The following ZC4H2 variants were observed in gnomAD, a reference collection of about 807,000 sequenced individuals.
The protein encoded by ZC4H2 is zinc finger C4H2 domain-containing protein.
For missense variants in ZC4H2, 137 were observed against 173.9 expected, an observed-to-expected ratio of 0.79 and a Z score of 1.19; for synonymous variants, 84 against 66.3, an observed-to-expected ratio of 1.27 and a Z score of -1.30.
At chrX:64,946,926 G>A (rs1170195286) in intron 1 of ZC4H2, among the ~76,000 whole-genome samples, 2 of 111,109 alleles carry the variant, frequency 1.8e-5, no homozygotes, top group Non-Finnish European at 3.8e-5. Context: ...TTCTTGAAGT[G>A]GGAGCTTAGA....
chrX:64,949,437 T>C (rs780252316), intron 1 of ZC4H2, among the ~76,000 whole-genome samples: 1 of 111,559 alleles, frequency 9.0e-6, no homozygotes, highest in African/African-American at 3.2e-5. Flanking sequence ...TTTAAAACTT[T>C]ACCATATTTG....
At chrX:64,977,130 C>A (rs1931976357), upstream of ZC4H2, among the ~76,000 whole-genome samples, 2 of 111,823 alleles carry the variant, frequency 1.8e-5, no homozygotes, top group South Asian at 7.5e-4. Flanking sequence ...CTTTGAGGAA[C>A]AGAAGAGGCT....
intron 1 of ZC4H2, among the ~76,000 whole-genome samples, chrX:65,030,152 C>G (rs776887879): frequency 9.0e-6 from 1 of 111,591 alleles, no homozygotes; most frequent in East Asian, 2.8e-4. Flanking sequence ...GGGTCTGGCT[C>G]TCTTGCCCAG....
At chrX:65,012,121 G>C (rs1335634316) in intron 1 of ZC4H2, among the ~76,000 whole-genome samples, 1 of 105,153 alleles carries the variant, frequency 9.5e-6, no homozygotes, top group Non-Finnish European at 1.9e-5. Context: ...CTAGCGACTT[G>C]GGAGGCTGAG....
At chrX:64,925,423 A>G (rs193174494) in intron 1 of ZC4H2, among the ~76,000 whole-genome samples, 1 of 112,360 alleles carries the variant, frequency 8.9e-6, no homozygotes, top group East Asian at 2.8e-4. Flanking sequence ...ATTAAAACAT[A>G]TATTAGCTAA....
intron 1 of ZC4H2, among the ~76,000 whole-genome samples, chrX:64,984,817 A>T (rs1006043277): frequency 8.9e-6 from 1 of 112,229 alleles, no homozygotes; most frequent in African/African-American, 3.2e-5. Context: ...TAAACTACAA[A>T]CTAAATTCCT....
At chrX:64,941,504 A>G (rs1468124847) in intron 1 of ZC4H2, among the ~76,000 whole-genome samples, 4 of 112,025 alleles carry the variant, frequency 3.6e-5, no homozygotes, top group Non-Finnish European at 7.5e-5. Context: ...GCTTTTGCCC[A>G]TTCAGTATGA....
At chrX:64,935,881 A>G (rs1929985538) in intron 1 of ZC4H2, among the ~76,000 whole-genome samples, 1 of 111,087 alleles carries the variant, frequency 9.0e-6, no homozygotes, top group South Asian at 3.8e-4. Context: ...AAGGATCACA[A>G]CTCCTCATCA....
chrX:64,934,791 A>G (rs1929917613), intron 1 of ZC4H2, among the ~76,000 whole-genome samples: 2 of 111,789 alleles, frequency 1.8e-5, no homozygotes, highest in South Asian at 7.5e-4. Flanking sequence ...TGCATTGTGC[A>G]CTATAACTCA....
intron 1 of ZC4H2, among the ~76,000 whole-genome samples, chrX:65,005,795 T>G (rs1932643944): frequency 9.0e-6 from 1 of 110,831 alleles, no homozygotes; most frequent in Non-Finnish European, 1.9e-5. Context: ...GGAGAGTATT[T>G]TTGCAATCTG....
chrX:64,934,728 A>G (rs1431040831), intron 1 of ZC4H2, among the ~76,000 whole-genome samples: 1 of 111,847 alleles, frequency 8.9e-6, no homozygotes, highest in African/African-American at 3.3e-5. Context: ...TCAACTGGGA[A>G]GTGCAAGGGG....
intron 1 of ZC4H2, among the ~76,000 whole-genome samples, chrX:65,022,519 T>G (rs1321683034): frequency 2.7e-5 from 3 of 112,010 alleles, no homozygotes; most frequent in Non-Finnish European, 5.6e-5. Context: ...ATTGATGCAA[T>G]GCATCTCAAA....
At chrX:64,960,960 G>T (rs1279482107) in intron 1 of ZC4H2, among the ~76,000 whole-genome samples, 1 of 111,225 alleles carries the variant, frequency 9.0e-6, no homozygotes, top group East Asian at 2.8e-4. Flanking sequence ...ATGTCTGTAA[G>T]GTCCATTTGG....
intron 1 of ZC4H2, among the ~76,000 whole-genome samples, chrX:64,929,173 G>A (rs1012534497): frequency 4.0e-4 from 44 of 111,193 alleles, no homozygotes; most frequent in African/African-American, 1.3e-3. Flanking sequence ...GACTACAGGC[G>A]TGAGTCACTG....
intron 1 of ZC4H2, among the ~76,000 whole-genome samples, chrX:65,001,951 A>G (rs1932545595): frequency 9.0e-6 from 1 of 111,684 alleles, no homozygotes; most frequent in Non-Finnish European, 1.9e-5. Context: ...GCAAGTTCTT[A>G]GAGACGTAAA....
At position 64,919,816 on chromosome X, in the gene ZC4H2, TA is replaced by T. The variant is rs1929102887; in HGVS notation, c.398+264del. Reference sequence around the variant, plus strand: ...TATTGTCAATATCACACAAAGAATTTAAAAAGCCACCTAGTAGTTGTTCTAA... The same window carrying T: ...TATTGTCAATATCACACAAAGAATTTAAAAGCCACCTAGTAGTTGTTCTAA... On this transcript the variant is annotated intron_variant, in intron 3 of 4. Coordinates refer to ENST00000374839, the MANE Select transcript of ZC4H2 (RefSeq NM_018684.4). 9.6e-6 allele frequency: 3 copies of T among 311,919 alleles called. No homozygotes were observed. The South Asian group carries it at 4.0e-4, about 41-fold the overall frequency. The allele number at this position is 311,919 out of a possible 1,213,427, so 25.7% of individuals were successfully genotyped here.
intron 1 of ZC4H2, among the ~76,000 whole-genome samples, chrX:64,986,241 G>A (rs886279119): frequency 8.9e-6 from 1 of 112,363 alleles, no homozygotes; most frequent in Admixed American, 9.4e-5. Flanking sequence ...AGACAAACAT[G>A]CTTATCCTTT....
chrX:64,965,586 G>A, intron 1 of ZC4H2: 1 of 262,187 alleles, frequency 3.8e-6, no homozygotes, highest in Non-Finnish European at 7.0e-6. Context: ...CTCCTAAATG[G>A]CACAAGAATT....
At chrX:64,978,858 T>C, upstream of ZC4H2, among the ~76,000 whole-genome samples, 1 of 111,228 alleles carries the variant, frequency 9.0e-6, no homozygotes, top group East Asian at 2.8e-4. Flanking sequence ...GCGGAGGGTT[T>C]GTATGGGATG....
Sources: allele counts gnomAD v4.1 joint callset (sites outside exome capture counted in the v4.1 genomes callset), GRCh38; gene constraint gnomAD v4.1.1; transcripts MANE v1.5; gene names NCBI Gene and HGNC (gene_info 2026-07-23, HGNC 2026-07-21).